Variants in GPHN observed in about 807,000 individuals in gnomAD.
GPHN encodes the protein gephyrin.
In GPHN, 17 loss-of-function variants were observed where a neutral mutation model predicts 95.5. The observed-to-expected ratio is 0.18, with a 90% CI of 0.12 to 0.27. The LOEUF (loss-of-function observed/expected upper bound fraction) is 0.27, where lower values mean the gene tolerates loss of function less well. GPHN is among the 10% of genes least tolerant of loss of function. GPHN has a pLI of 1.00. For missense variants in GPHN, 660 were observed against 978.1 expected (o/e 0.67, Z 4.34); for synonymous variants, 320 against 322.5 (o/e 0.99, Z 0.08).
chr14:67,222,591 T>A, the GPHN span, among the ~76,000 whole-genome samples: 2 of 152,156 alleles, frequency 1.3e-5, no homozygotes, highest in Non-Finnish European at 2.9e-5. Flanking sequence ...AATGTTTGGG[T>A]TTTATTTGGC....
At chr14:66,599,331 G>T in intron 1 of GPHN, among the ~76,000 whole-genome samples, 1 of 121,504 alleles carries the variant, frequency 8.2e-6, no homozygotes, top group East Asian at 2.7e-4. Context: ...TACCCTTTTT[G>T]TATATCTTTT....
Position 66,584,519 on chromosome 14 carries a change from T to A in GPHN, c.64+75928T>A, listed in dbSNP as rs530423564. Reference sequence around the variant, plus strand: ...TGTCCATTCAGTATAATATTGGCTGTGGGTTTGTCATAGATAGCTCTTATT... The same window carrying A: ...TGTCCATTCAGTATAATATTGGCTGAGGGTTTGTCATAGATAGCTCTTATT... On this transcript the variant is annotated intron_variant, in intron 1 of 22. Transcript: ENST00000478722. 3.2e-4 allele frequency among the ~76,000 whole-genome samples: 49 copies of A among 152,236 alleles called. No homozygotes were observed. In the South Asian group the frequency reaches 1.0e-2, roughly 31 times the overall value.
chr14:67,296,220 T>C, the GPHN span, among the ~76,000 whole-genome samples: 8 of 152,092 alleles, frequency 5.3e-5, no homozygotes, highest in Non-Finnish European at 1.2e-4. Flanking sequence ...AGGCATTCCA[T>C]GCTCAAAGGG....
At chr14:66,767,451 AAAAAAAAG>A (rs1004779682) in intron 2 of GPHN, among the ~76,000 whole-genome samples, 5 of 151,752 alleles carry the variant, frequency 3.3e-5, no homozygotes, top group African/African-American at 4.8e-5. Flanking sequence ...GAAAAAAAAA[AAAAAAAAG>A]AAAAGAGGGA....
chr14:66,644,612 G>C (rs2064626390), intron 1 of GPHN, among the ~76,000 whole-genome samples: 1 of 151,004 alleles, frequency 6.6e-6, no homozygotes. Context: ...AAACAACTGA[G>C]AGAGGTGTGA....
At chr14:67,138,887 CTTTTTTTTTTT>C (rs34446302) in intron 17 of GPHN, among the ~76,000 whole-genome samples, 4 of 94,680 alleles carry the variant, frequency 4.2e-5, no homozygotes, top group African/African-American at 1.8e-4. Context: ...GCATCCTCTC[CTTTTTTTTTTT>C]TTTTTTTTTT....
At chr14:66,604,626 A>G (rs2062424875) in intron 1 of GPHN, among the ~76,000 whole-genome samples, 1 of 152,156 alleles carries the variant, frequency 6.6e-6, no homozygotes, top group Non-Finnish European at 1.5e-5. Flanking sequence ...ATGTAACAGT[A>G]TATATACTCA....
intron 2 of GPHN, among the ~76,000 whole-genome samples, chr14:66,691,454 A>G (rs572009671): frequency 6.6e-6 from 1 of 151,988 alleles, no homozygotes; most frequent in African/African-American, 2.4e-5. Context: ...AAGTGCTGGG[A>G]TTACAGGTGT....
chr14:67,104,562 A>AT (rs113411088), intron 13 of GPHN, among the ~76,000 whole-genome samples: 10,110 of 152,132 alleles, frequency 0.066, 356 homozygotes, highest in Middle Eastern at 0.085. Context: ...CAGGTTTTCT[A>AT]TTCTTTTTGG....
At chr14:67,053,012 G>A (rs759054806) in intron 10 of GPHN, among the ~76,000 whole-genome samples, 20 of 150,256 alleles carry the variant, frequency 1.3e-4, no homozygotes, top group Non-Finnish European at 2.2e-4. Context: ...TCAAATTGAC[G>A]TCCTAATATC....
the GPHN span, among the ~76,000 whole-genome samples, chr14:67,238,271 T>TTC: frequency 2.7e-4 from 36 of 131,972 alleles, no homozygotes; most frequent in East Asian, 7.9e-4. Context: ...CTTGCTTTCT[T>TTC]TTTTTTTTTT....
the GPHN span, among the ~76,000 whole-genome samples, chr14:67,653,099 A>G: frequency 6.6e-6 from 1 of 152,034 alleles, no homozygotes; most frequent in Non-Finnish European, 1.5e-5. Flanking sequence ...GAGATTATAT[A>G]AATATATTTC....
At chr14:66,876,881 C>T (rs1246027190) in intron 4 of GPHN, among the ~76,000 whole-genome samples, 1 of 152,106 alleles carries the variant, frequency 6.6e-6, no homozygotes, top group Non-Finnish European at 1.5e-5. Flanking sequence ...GGGAATCCTC[C>T]TTAACTTACT....
intron 1 of GPHN, among the ~76,000 whole-genome samples, chr14:66,669,483 CTCTA>C (rs1279046758): frequency 6.8e-6 from 1 of 147,610 alleles, no homozygotes; most frequent in African/African-American, 2.6e-5. Context: ...ACTCTTGAAT[CTCTA>C]TATTGAGTTG....
At position 66,777,013 on chromosome 14, in the gene GPHN, T is replaced by C. The variant is rs1174156680; in HGVS notation, c.201+492T>C. Among the ~76,000 whole-genome samples, 6 of 151,170 alleles carry C rather than the reference T, an allele frequency of 4.0e-5. No individual in the cohort carries two copies. The South Asian group carries it at 1.0e-3, about 26-fold the overall frequency. Reference sequence around the variant, plus strand: ...TAACTCGTCATCTAGCTTAGGTATATCTCCCAATGCTATCCCGAGCTGGTT... The same window carrying C: ...TAACTCGTCATCTAGCTTAGGTATACCTCCCAATGCTATCCCGAGCTGGTT... On this transcript the variant is annotated intron_variant, in intron 3 of 22. Transcript: ENST00000478722.
At chr14:66,810,988 G>A (rs142289501) in intron 3 of GPHN, among the ~76,000 whole-genome samples, 18 of 152,248 alleles carry the variant, frequency 1.2e-4, no homozygotes, top group Non-Finnish European at 2.5e-4. Flanking sequence ...ACTAAAAGTA[G>A]TTTTTAAAGT....
At chr14:67,128,483 T>TGTTTAATTTTATCTCACATTGAATAGCA (rs2153695874) in intron 17 of GPHN, among the ~76,000 whole-genome samples, 1 of 152,328 alleles carries the variant, frequency 6.6e-6, no homozygotes, top group African/African-American at 2.4e-5. Flanking sequence ...CAGAATAACA[T>TGTTTAATTTTATCTCACATTGAATAGCA]GTTTAATTTT....
At chr14:67,018,724 C>T (rs2073441563) in intron 9 of GPHN, among the ~76,000 whole-genome samples, 1 of 152,184 alleles carries the variant, frequency 6.6e-6, no homozygotes, top group Admixed American at 6.5e-5. Context: ...AGTTATTTTA[C>T]AGCTGTCAGT....
chr14:66,813,581 G>C (rs1379185184), intron 3 of GPHN, among the ~76,000 whole-genome samples: 2 of 152,246 alleles, frequency 1.3e-5, no homozygotes, highest in Non-Finnish European at 2.9e-5. Flanking sequence ...AGACACGTGA[G>C]GTGGCAGGGA....
Sources: allele counts gnomAD v4.1 joint callset (sites outside exome capture counted in the v4.1 genomes callset), GRCh38; gene constraint gnomAD v4.1.1; transcripts MANE v1.5; gene names NCBI Gene and HGNC (gene_info 2026-07-23, HGNC 2026-07-21).